Variants in RAC1 observed in about 807,000 individuals in gnomAD.
The protein encoded by RAC1 is Rac family small GTPase 1.
In RAC1, 2 loss-of-function variants were observed where a neutral mutation model predicts 25.2. That is an observed-to-expected ratio of 0.08 (90% CI 0.03 to 0.25). The LOEUF is 0.25. RAC1 is among the 10% of genes least tolerant of loss of function. The pLI is 1.00. For missense variants in RAC1, 50 were observed against 235.7 expected (o/e 0.21, Z 5.16); for synonymous variants, 88 against 94.0 (o/e 0.94, Z 0.37).
chr7:6,390,329 C>T (rs1783056235), intron 2 of RAC1, among the ~76,000 whole-genome samples: 1 of 151,760 alleles, frequency 6.6e-6, no homozygotes, highest in African/African-American at 2.4e-5. Context: ...TACCCGGGCA[C>T]GGTGGCTCAC....
At chr7:6,388,347 T>G (rs35157716) in intron 2 of RAC1, among the ~76,000 whole-genome samples, 4 of 57,948 alleles carry the variant, frequency 6.9e-5, no homozygotes, top group African/African-American at 1.9e-4. Flanking sequence ...GTTGTTTTCC[T>G]TTTTTTTTTT....
chr7:6,397,131 C>G (rs1783262251), intron 3 of RAC1, among the ~76,000 whole-genome samples: 2 of 142,462 alleles, frequency 1.4e-5, no homozygotes. Context: ...GTCCCAGCTA[C>G]TGGGGATGCT....
At chr7:6,383,352 T>A in intron 1 of RAC1, among the ~76,000 whole-genome samples, 1 of 152,198 alleles carries the variant, frequency 6.6e-6, no homozygotes, top group East Asian at 1.9e-4. Context: ...TTGAATAAAT[T>A]AAGTAAAAGT....
chr7:6,384,377 C>G (rs560555346), intron 1 of RAC1, among the ~76,000 whole-genome samples: 11 of 152,346 alleles, frequency 7.2e-5, no homozygotes, highest in Admixed American at 2.6e-4. Flanking sequence ...CTTCTAAAAT[C>G]CAGTGCTTTC....
Position 6,402,809 on chromosome 7 carries a change from T to C in RAC1, c.*363T>C, listed in dbSNP as rs1783456058. 4.8e-6 allele frequency: 1 copy of C among 209,994 alleles called. No individual in the cohort carries two copies. Among genetic ancestry groups the C allele is most frequent in the Admixed American group, 5.8e-5 (1 of 17,210 alleles). 13.0% of individuals were successfully genotyped at this position (209,994 alleles called of 1,614,324 possible). ...TTGTTGTGCCGAGAACACCGAGCACTGAACTTTGCAAAGACCTTCGTCTTT... is the reference window on the plus strand; with the variant it reads ...TTGTTGTGCCGAGAACACCGAGCACCGAACTTTGCAAAGACCTTCGTCTTT... On this transcript the variant is annotated 3_prime_UTR_variant, in exon 6 of 6. Transcript: ENST00000348035.
chr7:6,380,059 A>G (rs2115184678), intron 1 of RAC1, among the ~76,000 whole-genome samples: 1 of 152,360 alleles, frequency 6.6e-6, no homozygotes, highest in East Asian at 1.9e-4. Flanking sequence ...TGACTTGGAC[A>G]TACATTACTG....
At chr7:6,395,093 A>G (rs1486149096) in intron 3 of RAC1, among the ~76,000 whole-genome samples, 1 of 152,054 alleles carries the variant, frequency 6.6e-6, no homozygotes, top group Non-Finnish European at 1.5e-5. Context: ...TGAGCTTGTG[A>G]TCCGCCCGCC....
chr7:6,403,171 A>C lies in RAC1; in HGVS notation c.*725A>C, dbSNP rs1057305364. On this transcript the variant is annotated 3_prime_UTR_variant, in exon 6 of 6. Transcript: ENST00000348035. ...ATCAAAGGACAAAGACAGTATTTTG[A>C]CAAAATACGAAGTGGAGATTTACAC... The C allele has an allele frequency of 9.1e-6, 2 of 220,926 alleles. No individual in the cohort carries two copies. Among genetic ancestry groups the C allele is most frequent in the African/African-American group, 4.5e-5 (2 of 44,710 alleles). 13.7% of individuals were successfully genotyped at this position (220,926 alleles called of 1,614,324 possible).
rs956753056 is a variant in RAC1 at position 6,374,584 on chromosome 7, C to G, written c.-152C>G. 3.3e-6 allele frequency: 1 copy of G among 300,868 alleles called. No homozygotes were observed. The highest frequency in any genetic ancestry group is 5.1e-6 in the Non-Finnish European group (1 of 194,502). 18.6% of individuals were successfully genotyped at this position (300,868 alleles called of 1,614,324 possible). The stretch of plus-strand genomic sequence containing the variant: ...GGTGGCCGCTGCCGGGCATCGGCTT[C>G]CAGTCCGCGGAGGGCGAGGCGGCGT... On this transcript the variant is annotated 5_prime_UTR_variant, in exon 1 of 6. Transcript: ENST00000348035.
intron 1 of RAC1, among the ~76,000 whole-genome samples, chr7:6,378,808 C>A (rs1243043948): frequency 6.6e-6 from 1 of 152,052 alleles, no homozygotes; most frequent in African/African-American, 2.4e-5. Flanking sequence ...ACAGCATCAC[C>A]CGGGCGCGAT....
At chr7:6,398,820 G>A (rs192005847) in intron 3 of RAC1, 2 of 1,109,000 alleles carry the variant, frequency 1.8e-6, no homozygotes, top group Admixed American at 4.3e-5. Context: ...CTCCTTGAGT[G>A]TTTTATATTT....
At chr7:6,399,472 C>T (rs529404993) in intron 3 of RAC1, among the ~76,000 whole-genome samples, 3 of 152,306 alleles carry the variant, frequency 2.0e-5, no homozygotes, top group East Asian at 1.9e-4. Context: ...GGCGTGTGCC[C>T]CGAAGCACCC....
intron 3 of RAC1, among the ~76,000 whole-genome samples, chr7:6,397,403 T>G (rs1210411489): frequency 6.6e-6 from 1 of 151,754 alleles, no homozygotes; most frequent in Non-Finnish European, 1.5e-5. Context: ...CAAGCAGTTC[T>G]CTGCCTCAGC....
intron 4 of RAC1, 26 bp downstream of exon 4, chr7:6,400,214 G>T: frequency 6.4e-7 from 1 of 1,550,948 alleles, no homozygotes; most frequent in East Asian, 2.2e-5. Flanking sequence ...AAATGTGTAT[G>T]TAAGTTATAG....
intron 3 of RAC1, among the ~76,000 whole-genome samples, chr7:6,397,070 C>A (rs1280405410): frequency 7.6e-6 from 1 of 132,078 alleles, no homozygotes; most frequent in East Asian, 2.2e-4. Flanking sequence ...GAAACCCCGT[C>A]TCTACTAAAA....
At chr7:6,383,065 A>G (rs569779429) in intron 1 of RAC1, among the ~76,000 whole-genome samples, 1 of 152,350 alleles carries the variant, frequency 6.6e-6, no homozygotes, top group South Asian at 2.1e-4. Context: ...TTCGTTTCCT[A>G]GAGTGATGAC....
chr7:6,392,572 GAAA>G (rs952906328), intron 3 of RAC1, among the ~76,000 whole-genome samples: 2 of 151,850 alleles, frequency 1.3e-5, no homozygotes, highest in South Asian at 4.1e-4. Context: ...TGTCTAATCA[GAAA>G]AAAAAGTTTA....
At chr7:6,401,749 G>T (rs1371738920) in intron 4 of RAC1, 119 bp from the exon 5 acceptor site, 31 of 1,033,970 alleles carry the variant, frequency 3.0e-5, no homozygotes, top group Non-Finnish European at 3.8e-5. Context: ...TGAAGCCTCC[G>T]TGGGGAGGCC....
chr7:6,387,303 A>T lies in RAC1; in HGVS notation c.107+20A>T, dbSNP rs1047794665. The T allele has an allele frequency of 4.0e-6, 6 of 1,493,906 alleles. No individual in the cohort carries two copies. Among genetic ancestry groups the T allele is most frequent in the Non-Finnish European group, 5.5e-6 (6 of 1,097,176 alleles). The allele number at this position is 1,493,906 out of a possible 1,614,324, so 92.5% of individuals were successfully genotyped here. On this transcript the variant is annotated intron_variant, in intron 2 of 5. Coordinates refer to ENST00000348035, the MANE Select transcript of RAC1 (RefSeq NM_006908.5). ...TACTGTGTAAGTATCTTAAATTGGG[A>T]ATTAACCTGTTTGTGTTACGGGTTT...
Sources: allele counts gnomAD v4.1 joint callset (sites outside exome capture counted in the v4.1 genomes callset), GRCh38; gene constraint gnomAD v4.1.1; transcripts MANE v1.5; gene names NCBI Gene and HGNC (gene_info 2026-07-23, HGNC 2026-07-21).